Variants in USF3 observed in about 807,000 individuals in gnomAD.
USF3 encodes the protein basic helix-loop-helix domain-containing protein USF3.
In USF3, 29 loss-of-function variants were observed where a neutral mutation model predicts 157.5. The observed-to-expected ratio is 0.18, with a 90% CI of 0.14 to 0.25. USF3 has a LOEUF of 0.25. Among genes scored for constraint, USF3 ranks in the 10% least tolerant of loss-of-function variants. The pLI, the probability that USF3 is intolerant of heterozygous loss-of-function variation, is 1.00. For missense variants in USF3, 2,381 were observed against 2,667.6 expected (o/e 0.89, Z 2.37); for synonymous variants, 893 against 941.4 (o/e 0.95, Z 0.94).
In USF3 at chr3:113,655,941, T is replaced by G; in HGVS notation, c.5741A>C (p.Asn1914Thr). The G allele has an allele frequency of 6.2e-7, 1 of 1,614,136 alleles. No homozygotes were observed. The highest frequency in any genetic ancestry group is 8.5e-7 in the Non-Finnish European group (1 of 1,180,014). ...GDIQGRNTSP[N>T]VSVQKSNPMR... is the part of the protein sequence containing the mutation. ...GGGATTGGATTTCTGTACAGAAACATTGGGGCTTGTGTTTCGACCTTGAAT... is the reference window on the plus strand; with the variant it reads ...GGGATTGGATTTCTGTACAGAAACAGTGGGGCTTGTGTTTCGACCTTGAAT... Residue 1914 changes from asparagine to threonine, a missense_variant, in exon 7 of 7, where the codon AAT becomes ACT. Asn to Thr is a moderately conservative substitution (Grantham distance 65). This residue lies in a region of USF3 where 770 missense variants were observed against 824.2 expected (regional missense o/e 0.93). Coordinates refer to ENST00000316407, the MANE Select transcript of USF3 (RefSeq NM_001009899.4).
chr3:113,666,480 T>C (rs1947569389), intron 5 of USF3, among the ~76,000 whole-genome samples: 1 of 150,722 alleles, frequency 6.6e-6, no homozygotes, highest in Non-Finnish European at 1.5e-5. Flanking sequence ...CTCGAACTCC[T>C]GACCTCAGGT....
intron 4 of USF3, among the ~76,000 whole-genome samples, chr3:113,671,217 G>C (rs1707146897): frequency 6.6e-6 from 1 of 152,148 alleles, no homozygotes; most frequent in African/African-American, 2.4e-5. Flanking sequence ...TTATTAGAAA[G>C]CTGCCTCTTT....
At position 113,660,943 on chromosome 3, in the gene USF3, T is replaced by C; in HGVS notation, c.739A>G (p.Asn247Asp). 6.2e-7 allele frequency: 1 copy of C among 1,614,180 alleles called. No individual in the cohort carries two copies. The highest frequency in any genetic ancestry group is 1.1e-5 in the South Asian group (1 of 91,078). The stretch of plus-strand genomic sequence containing the variant: ...GAGCCACTAGTGGCACCAAGCACAT[T>C]TGATTCGCTTTCAGAGGTGGGAAGC... Reference protein sequence around the residue: ...LELPTSESESNVLGATSGSLI... With the variant: ...LELPTSESESDVLGATSGSLI... The change falls in exon 7 of 7, where the codon AAT (asparagine) becomes GAT (aspartate). Residue 247 changes from asparagine to aspartate, a missense_variant. By Grantham distance (23) the Asn-to-Asp change is conservative (BLOSUM62 1). Transcript: ENST00000316407.
intron 5 of USF3, among the ~76,000 whole-genome samples, chr3:113,668,712 A>G (rs1428049577): frequency 6.6e-6 from 1 of 152,144 alleles, no homozygotes; most frequent in Non-Finnish European, 1.5e-5. Flanking sequence ...ACATAAACAG[A>G]AAAAAACTTC....
At position 113,658,679 on chromosome 3, in the gene USF3, C is replaced by A. The variant is rs1170537698; in HGVS notation, c.3003G>T (p.Gly1001=). ...DTMQTTGLLK[G]QGLTTLLSDL... ...CAGATAGCAATGTAGTTAAACCTTG[C>A]CCCTTTAAGAGACCTGTGGTTTGCA... Residue 1001 remains glycine (G), a synonymous_variant, in exon 7 of 7, where the codon GGG becomes GGT. Transcript: ENST00000316407. 3.7e-6 allele frequency: 6 copies of A among 1,613,688 alleles called. No individual in the cohort carries two copies. The highest frequency in any genetic ancestry group is 5.1e-6 in the Non-Finnish European group (6 of 1,179,964).
rs930135621 is a variant in USF3 at position 113,651,824 on chromosome 3, C to T, written c.*3120G>A. 2 of 152,104 alleles carry T rather than the reference C, an allele frequency of 1.3e-5. No homozygotes were observed. Among genetic ancestry groups the T allele is most frequent in the Non-Finnish European group, 2.9e-5 (2 of 68,024 alleles). 9.4% of individuals were successfully genotyped at this position (152,104 alleles called of 1,614,324 possible). ...TTATTCACAGATGGTCACATTTTTC[C>T]TCAGATGGTCAAATAAGGCTTATTG... is the stretch of plus-strand genomic sequence containing the variant. On this transcript the variant is annotated 3_prime_UTR_variant, in exon 7 of 7. Transcript: ENST00000316407.
chr3:113,667,051 T>C (rs1488582349), intron 5 of USF3, among the ~76,000 whole-genome samples: 1 of 152,164 alleles, frequency 6.6e-6, no homozygotes, highest in Non-Finnish European at 1.5e-5. Context: ...TAGCTATCTC[T>C]GGTACTTTGT....
chr3:113,674,128 T>C (rs1341345187), intron 3 of USF3, among the ~76,000 whole-genome samples: 2 of 152,198 alleles, frequency 1.3e-5, no homozygotes, highest in Non-Finnish European at 2.9e-5. Context: ...AGAAGTAACA[T>C]TGTTCTGATA....
chr3:113,680,613 A>G (rs1256891516), intron 1 of USF3, among the ~76,000 whole-genome samples: 1 of 152,066 alleles, frequency 6.6e-6, no homozygotes, highest in Non-Finnish European at 1.5e-5. Context: ...GGAGTTTAAG[A>G]CCAGCCTGGC....
intron 6 of USF3, among the ~76,000 whole-genome samples, chr3:113,662,941 G>A (rs1295241574): frequency 6.6e-6 from 1 of 151,392 alleles, no homozygotes; most frequent in Non-Finnish European, 1.5e-5. Flanking sequence ...TTAACATAGG[G>A]AAACTGGGAC....
rs1390185106 is a variant in USF3 at position 113,653,457 on chromosome 3, G to A, written c.*1487C>T. 1.3e-5 allele frequency: 2 copies of A among 152,182 alleles called. No homozygotes were observed. Among genetic ancestry groups the A allele is most frequent in the African/African-American group, 4.8e-5 (2 of 41,326 alleles). 9.4% of individuals were successfully genotyped at this position (152,182 alleles called of 1,614,324 possible). On this transcript the variant is annotated 3_prime_UTR_variant, in exon 7 of 7. Coordinates refer to ENST00000316407, the MANE Select transcript of USF3 (RefSeq NM_001009899.4). Reference sequence around the variant, plus strand: ...TCTCTACTAAAAGTACCAAAAATTAGCCAGGTGTGGTGGCACGTGCCTGTA... The same window carrying A: ...TCTCTACTAAAAGTACCAAAAATTAACCAGGTGTGGTGGCACGTGCCTGTA...
intron 4 of USF3, 82 bp from the exon 5 acceptor site, chr3:113,670,285 G>A (rs1010454174): frequency 2.7e-5 from 22 of 812,560 alleles, no homozygotes; most frequent in Admixed American, 2.0e-4. Context: ...AGAAGTTTTA[G>A]GTAAAGAAAT....
At position 113,673,383 on chromosome 3, in the gene USF3, CA is replaced by C; in HGVS notation, c.48-8del. 6.4e-7 allele frequency: 1 copy of C among 1,574,334 alleles called. No individual in the cohort carries two copies. Among genetic ancestry groups the C allele is most frequent in the Non-Finnish European group, 8.7e-7 (1 of 1,147,208 alleles). On this transcript the variant is annotated splice_region_variant and splice_polypyrimidine_tract_variant and intron_variant, in intron 3 of 6. Transcript: ENST00000316407. ...TGTCTCCCGGTTTTTCTTTCTGAAA[CA>C]AAAAGTACAGATAAAAGGTAACATG... is the stretch of plus-strand genomic sequence containing the variant.
At chr3:113,673,268 T>A in intron 4 of USF3, 80 bp downstream of exon 4, 1 of 918,504 alleles carries the variant, frequency 1.1e-6, no homozygotes, top group African/African-American at 1.7e-5. Context: ...GCTTATAACA[T>A]AAAAACTTAT....
chr3:113,679,687 T>G (rs978093105), intron 1 of USF3, among the ~76,000 whole-genome samples: 1 of 152,188 alleles, frequency 6.6e-6, no homozygotes, highest in African/African-American at 2.4e-5. Flanking sequence ...GTGCTGGGAT[T>G]ACAGGCATAA....
At position 113,659,127 on chromosome 3, in the gene USF3, G is replaced by C. The variant is rs1303771620; in HGVS notation, c.2555C>G (p.Ser852Cys). Residue 852 changes from serine to cysteine, a missense_variant, in exon 7 of 7, where the codon TCT becomes TGT. Ser to Cys is a moderately radical substitution (Grantham distance 112). Coordinates refer to ENST00000316407, the MANE Select transcript of USF3 (RefSeq NM_001009899.4). ...ACTCACACTATTTGCCTGAGACACA[G>C]AGACAGATGGTAACACAGCAGGGAA... The part of the protein sequence containing the change: ...ESFPAVLPSV[S>C]VSQANSVSVS... 6.2e-7 allele frequency: 1 copy of C among 1,614,196 alleles called. No individual in the cohort carries two copies. Among genetic ancestry groups the C allele is most frequent in the Admixed American group, 1.7e-5 (1 of 60,022 alleles).
At chr3:113,672,474 A>C (rs889740020) in intron 4 of USF3, among the ~76,000 whole-genome samples, 1 of 152,112 alleles carries the variant, frequency 6.6e-6, no homozygotes, top group Non-Finnish European at 1.5e-5. Flanking sequence ...CCAATCAAAA[A>C]GATTAGCTCT....
At chr3:113,692,927 TA>T (rs1489229033) in intron 1 of USF3, among the ~76,000 whole-genome samples, 1 of 152,124 alleles carries the variant, frequency 6.6e-6, no homozygotes, top group Non-Finnish European at 1.5e-5. Flanking sequence ...CAGCACAGAG[TA>T]AAAGACTCAG....
In USF3 at chr3:113,653,966, A is replaced by G. The variant is rs1157252325; in HGVS notation, c.*978T>C. On this transcript the variant is annotated 3_prime_UTR_variant, in exon 7 of 7. Coordinates refer to ENST00000316407, the MANE Select transcript of USF3 (RefSeq NM_001009899.4). ...AATCTCTGTTCAGAAATATTTTTAAAGTAAGGCTCAAATAAACGTGTAGAT... is the reference window on the plus strand; with the variant it reads ...AATCTCTGTTCAGAAATATTTTTAAGGTAAGGCTCAAATAAACGTGTAGAT... The G allele has an allele frequency of 6.6e-6, 1 of 151,738 alleles. No individual in the cohort carries two copies. The highest frequency in any genetic ancestry group is 2.4e-5 in the African/African-American group (1 of 41,020). The allele number at this position is 151,738 out of a possible 1,614,324, so 9.4% of individuals were successfully genotyped here. A position where few individuals can be genotyped will look rare whatever the true frequency, so the allele number is the denominator to read the frequency against.
Sources: gnomAD v4.1 joint callset for allele counts (sites outside exome capture counted in the v4.1 genomes callset) on GRCh38, gnomAD v4.1.1 for gene constraint, gnomAD v4.1.1 regional missense constraint, MANE v1.5 for transcripts, NCBI Gene and HGNC (gene_info 2026-07-23, HGNC 2026-07-21) for gene names.